The following OGDH variants were observed in gnomAD, a reference collection of about 807,000 sequenced individuals.
OGDH encodes the protein oxoglutarate dehydrogenase, also known as 2-oxoglutarate dehydrogenase complex component E1.
A neutral mutation model predicts 116.6 loss-of-function variants in OGDH; 38 were observed. That is an observed-to-expected ratio of 0.33 (90% CI 0.25 to 0.43). OGDH has a LOEUF of 0.43. Among genes scored for constraint, OGDH ranks in the 20% least tolerant of loss-of-function variants. OGDH has a pLI of 1.00. For synonymous variants in OGDH, 488 were observed against 533.3 expected (o/e 0.92, Z 1.17); for missense variants, 825 against 1,357.2 (o/e 0.61, Z 6.16).
intron 2 of OGDH, among the ~76,000 whole-genome samples, chr7:44,625,288 C>T (rs1322867107): frequency 3.3e-5 from 5 of 152,046 alleles, no homozygotes; most frequent in African/African-American, 1.2e-4. Flanking sequence ...CCACGCCTGA[C>T]TAGTTTTTGT....
Position 44,697,213 on chromosome 7 carries a change from T to C in OGDH, c.2051+149T>C, listed in dbSNP as rs1326260995. The C allele has an allele frequency of 1.4e-6, 2 of 1,443,494 alleles. No individual in the cohort carries two copies. The highest frequency in any genetic ancestry group is 2.8e-5 in the African/African-American group (2 of 70,994). 89.4% of individuals were successfully genotyped at this position (1,443,494 alleles called of 1,614,324 possible). A position where few individuals can be genotyped will look rare whatever the true frequency, so the allele number is the denominator to read the frequency against. ...ACCTCTGTCCCTCATTTGCTATGGGTGCTTCTGTTAAGACCTGGGTGGGGC... is the reference window on the plus strand; with the variant it reads ...ACCTCTGTCCCTCATTTGCTATGGGCGCTTCTGTTAAGACCTGGGTGGGGC... On this transcript the variant is annotated intron_variant, in intron 15 of 22. Coordinates refer to ENST00000222673, the MANE Select transcript of OGDH (RefSeq NM_002541.4). The surrounding 1 kb of genome is among the most constrained non-coding windows in gnomAD (Gnocchi z 6.0).
At chr7:44,640,355 A>C (rs1458602685) in intron 2 of OGDH, among the ~76,000 whole-genome samples, 1 of 152,188 alleles carries the variant, frequency 6.6e-6, no homozygotes, top group Admixed American at 6.5e-5. Context: ...TATGATTGAC[A>C]TTCCAGGTGC....
chr7:44,608,430 G>A (rs1327794308), intron 1 of OGDH, among the ~76,000 whole-genome samples: 3 of 151,892 alleles, frequency 2.0e-5, no homozygotes, highest in African/African-American at 7.2e-5. Context: ...CGGGCGCAGT[G>A]GCTCACGCCT....
At chr7:44,621,933 A>G (rs1785026824) in intron 1 of OGDH, among the ~76,000 whole-genome samples, 1 of 152,112 alleles carries the variant, frequency 6.6e-6, no homozygotes, top group African/African-American at 2.4e-5. Flanking sequence ...TATGTGTCAG[A>G]TTCAGTGACT....
intron 1 of OGDH, among the ~76,000 whole-genome samples, chr7:44,607,254 G>T (rs1784390621): frequency 6.6e-6 from 1 of 152,236 alleles, no homozygotes; most frequent in Non-Finnish European, 1.5e-5. Context: ...AAGTTGGGTC[G>T]AACAGATTGA....
intron 18 of OGDH, 77 bp from the exon 19 acceptor site, chr7:44,700,064 T>TCC: frequency 6.7e-7 from 1 of 1,482,864 alleles, no homozygotes; most frequent in Non-Finnish European, 9.3e-7. Flanking sequence ...CCAAACTAGA[T>TCC]CACCTGAGGG....
chr7:44,647,414 T>A, intron 3 of OGDH: 1 of 1,482,208 alleles, frequency 6.7e-7, no homozygotes, highest in Non-Finnish European at 9.1e-7. Context: ...CTGGATCTGC[T>A]TAATGACTTG....
intron 2 of OGDH, among the ~76,000 whole-genome samples, chr7:44,630,777 C>T (rs985356265): frequency 4.6e-5 from 7 of 152,194 alleles, no homozygotes; most frequent in Non-Finnish European, 1.0e-4. Context: ...GTCCCCAACT[C>T]CTTTGGCACC....
chr7:44,646,965 T>G (rs1446132852), intron 3 of OGDH, among the ~76,000 whole-genome samples: 1 of 152,240 alleles, frequency 6.6e-6, no homozygotes, highest in Non-Finnish European at 1.5e-5. Flanking sequence ...TGATTTATTT[T>G]AAATTGAGGT....
intron 2 of OGDH, among the ~76,000 whole-genome samples, chr7:44,629,189 C>G (rs1229710376): frequency 6.6e-6 from 1 of 152,222 alleles, no homozygotes; most frequent in Non-Finnish European, 1.5e-5. Context: ...CTGCTAAGCC[C>G]CCATGAGTCT....
intron 4 of OGDH, among the ~76,000 whole-genome samples, chr7:44,650,592 A>G (rs1477167157): frequency 6.6e-6 from 1 of 152,226 alleles, no homozygotes; most frequent in Non-Finnish European, 1.5e-5. Context: ...AATAAGATAA[A>G]TTCAGAAACT....
At chr7:44,655,079 C>T (rs1786628222) in intron 4 of OGDH, among the ~76,000 whole-genome samples, 1 of 152,172 alleles carries the variant, frequency 6.6e-6, no homozygotes, top group Non-Finnish European at 1.5e-5. Context: ...ATACTCAGTA[C>T]TAAGAATGTA....
rs866034216 is a variant in OGDH, at chr7:44,667,014, T to G, written c.633+163T>G. 2.4e-4 allele frequency among the ~76,000 whole-genome samples: 37 copies of G among 152,290 alleles called. 1 individual carries two copies. Among genetic ancestry groups the G allele is most frequent in the African/African-American group, 8.4e-4 (35 of 41,570 alleles). ...CCAGGCTAGAATGCAGTGACACAGTTTGGCTCACTGCAGCCTTGACCTCCC... is the reference window on the plus strand; with the variant it reads ...CCAGGCTAGAATGCAGTGACACAGTGTGGCTCACTGCAGCCTTGACCTCCC... On this transcript the variant is annotated intron_variant, in intron 5 of 22. Transcript: ENST00000222673.
chr7:44,643,375 T>C (rs1182659068), intron 2 of OGDH, among the ~76,000 whole-genome samples: 1 of 152,138 alleles, frequency 6.6e-6, no homozygotes, highest in Non-Finnish European at 1.5e-5. Context: ...ACATGCTTAT[T>C]ATAGAATGTT....
At chr7:44,673,989 G>A (rs1256250193) in intron 6 of OGDH, 48 bp downstream of exon 6, 1 of 1,610,654 alleles carries the variant, frequency 6.2e-7, no homozygotes, top group African/African-American at 1.3e-5. Context: ...CAGGGAAGCA[G>A]TGACCCTGTC....
chr7:44,675,151 C>A (rs760902088), intron 7 of OGDH, 27 bp from the exon 8 acceptor site: 3 of 1,596,152 alleles, frequency 1.9e-6, no homozygotes, highest in Non-Finnish European at 2.6e-6. Context: ...TCAGGCTCTG[C>A]TCACCCTACT....
intron 1 of OGDH, among the ~76,000 whole-genome samples, chr7:44,609,471 C>G (rs1471358214): frequency 1.3e-5 from 2 of 149,218 alleles, no homozygotes; most frequent in African/African-American, 5.0e-5. Flanking sequence ...GATCGCGCCA[C>G]TGCACTCCAG....
intron 4 of OGDH, 98 bp downstream of exon 4, chr7:44,647,857 T>C (rs1044119550): frequency 3.0e-5 from 26 of 856,182 alleles, no homozygotes; most frequent in Non-Finnish European, 4.8e-5. Context: ...GAAAGGCTCT[T>C]AAGTTTCCTT....
At chr7:44,631,324 G>T (rs1367901028) in intron 2 of OGDH, among the ~76,000 whole-genome samples, 1 of 152,196 alleles carries the variant, frequency 6.6e-6, no homozygotes, top group Non-Finnish European at 1.5e-5. Flanking sequence ...GGAGGTACAT[G>T]TGTGGGTTTG....
Sources: gnomAD v4.1 joint callset for allele counts (sites outside exome capture counted in the v4.1 genomes callset) on GRCh38, gnomAD v4.1.1 for gene constraint, Gnocchi (gnomAD v3.1) non-coding constraint, MANE v1.5 for transcripts, NCBI Gene and HGNC (gene_info 2026-07-23, HGNC 2026-07-21) for gene names.